Variants in MED14 observed in about 807,000 individuals in gnomAD.
MED14 encodes the protein mediator complex subunit 14, also known as mediator of RNA polymerase II transcription subunit 14.
In MED14, 8 loss-of-function variants were observed where a neutral mutation model predicts 109.0. The ratio of observed to expected loss-of-function variants is 0.07; its 90% CI spans 0.04 to 0.13. The LOEUF is 0.13. MED14 is among the 10% of genes least tolerant of loss of function. The pLI, the probability that MED14 is intolerant of heterozygous loss-of-function variation, is 1.00. For missense variants in MED14, 711 were observed against 1,142.4 expected (o/e 0.62, Z 5.44); for synonymous variants, 399 against 408.7 (o/e 0.98, Z 0.29).
intron 3 of MED14, among the ~76,000 whole-genome samples, chrX:40,722,752 C>T (rs2146732386): frequency 9.0e-6 from 1 of 111,599 alleles, no homozygotes; most frequent in East Asian, 2.8e-4. Context: ...TACAATGGTG[C>T]TCTCTAATAT....
intron 10 of MED14, among the ~76,000 whole-genome samples, chrX:40,705,661 C>T (rs1026545365): frequency 4.5e-5 from 5 of 111,700 alleles, no homozygotes; most frequent in Non-Finnish European, 7.5e-5. Context: ...ATATATATCT[C>T]CTTTTATTTC....
intron 26 of MED14, 119 bp from the exon 27 acceptor site, chrX:40,659,726 T>C (rs759117129): frequency 4.5e-5 from 28 of 627,587 alleles, no homozygotes; most frequent in Non-Finnish European, 6.3e-5. Flanking sequence ...CAAAGGCACC[T>C]ACAGCATTGA....
chrX:40,698,680 T>C (rs141336335), intron 12 of MED14, among the ~76,000 whole-genome samples: 7 of 112,003 alleles, frequency 6.2e-5, no homozygotes, highest in Non-Finnish European at 1.1e-4. Context: ...AACATCATTA[T>C]TTGTTGGGGA....
At chrX:40,654,259 G>T in intron 30 of MED14, 105 bp downstream of exon 30, 1 of 691,750 alleles carries the variant, frequency 1.4e-6, no homozygotes, top group Non-Finnish European at 2.2e-6. Context: ...CTATGATTGG[G>T]TGGTAGAGTA....
intron 23 of MED14, among the ~76,000 whole-genome samples, chrX:40,667,787 G>T (rs184800805): frequency 8.9e-6 from 1 of 112,282 alleles, no homozygotes; most frequent in Admixed American, 9.4e-5. Context: ...AGGACTAGTG[G>T]CTTGGTAAAG....
chrX:40,680,931 G>A (rs1003039368), intron 19 of MED14, 21 bp from the exon 20 acceptor site: 3 of 1,030,899 alleles, frequency 2.9e-6, no homozygotes, highest in African/African-American at 3.8e-5. Context: ...AAGATTACAT[G>A]TTTCAGAAAC....
In MED14 at chrX:40,648,472, T is replaced by C. The variant is rs1424422350; in HGVS notation, c.*3334A>G. 1.8e-5 allele frequency: 2 copies of C among 112,082 alleles called. No homozygotes were observed. The highest frequency in any genetic ancestry group is 6.5e-5 in the African/African-American group (2 of 30,849). The allele number at this position is 112,082 out of a possible 1,213,427, so 9.2% of individuals were successfully genotyped here. A position where few individuals can be genotyped will look rare whatever the true frequency, so the allele number is the denominator to read the frequency against. On this transcript the variant is annotated 3_prime_UTR_variant, in exon 31 of 31. Transcript: ENST00000324817. ...CACTAGCTCAGACTCAAACTGCCCC[T>C]TCTTAGCAGTTTGATCTTAAGCAAC...
intron 16 of MED14, 52 bp from the exon 17 acceptor site, chrX:40,683,048 T>C (rs758969500): frequency 2.0e-6 from 2 of 1,024,424 alleles, no homozygotes; most frequent in Admixed American, 2.6e-5. Context: ...CAAAGCACAA[T>C]GTACACAATG....
At position 40,650,506 on chromosome X, in the gene MED14, T is replaced by C; in HGVS notation, c.*1300A>G. On this transcript the variant is annotated 3_prime_UTR_variant, in exon 31 of 31. Transcript: ENST00000324817. Reference sequence around the variant, plus strand: ...GGTAACTCGGCATGGTATTATCACTTAAAAATTTTTCCTAAATACCATGAA... The same window carrying C: ...GGTAACTCGGCATGGTATTATCACTCAAAAATTTTTCCTAAATACCATGAA... 1.3e-6 allele frequency: 1 copy of C among 753,982 alleles called. No homozygotes were observed. 62.1% of individuals were successfully genotyped at this position (753,982 alleles called of 1,213,427 possible).
chrX:40,730,632 A>T (rs1009260212), intron 1 of MED14, among the ~76,000 whole-genome samples: 2 of 111,444 alleles, frequency 1.8e-5, no homozygotes, highest in Non-Finnish European at 3.8e-5. Context: ...GGGACAAAAG[A>T]CAGGCTTTGC....
chrX:40,711,147 C>T lies in MED14; in HGVS notation c.1022+22G>A, dbSNP rs1262955594. 3 of 1,203,140 alleles carry T rather than the reference C, an allele frequency of 2.5e-6. No homozygotes were observed. The East Asian group carries it at 8.9e-5, about 36-fold the overall frequency. On this transcript the variant is annotated intron_variant, in intron 8 of 30. Transcript: ENST00000324817. Reference sequence around the variant, plus strand: ...AGTATTTACAGTCATAGCACGAACCCACCAGAACTGATTTTACTTACTTCC... The same window carrying T: ...AGTATTTACAGTCATAGCACGAACCTACCAGAACTGATTTTACTTACTTCC...
Position 40,692,864 on chromosome X carries a change from T to C in MED14, c.1689A>G (p.Gln563=). Residue 563 remains glutamine (Q), a synonymous_variant, in exon 14 of 31, where the codon CAA becomes CAG. Transcript: ENST00000324817. ...EMLEVPNKPT[Q]LSYKYYFMSV... Reference sequence around the variant, plus strand: ...ACATAAAGTAGTACTTGTACGACAGTTGTGTGGGTTTATTGGGAACCTCCA... The same window carrying C: ...ACATAAAGTAGTACTTGTACGACAGCTGTGTGGGTTTATTGGGAACCTCCA... 2.5e-6 allele frequency: 3 copies of C among 1,188,239 alleles called. No homozygotes were observed. The highest frequency in any genetic ancestry group is 3.9e-5 in the South Asian group (2 of 51,870).
At position 40,712,311 on chromosome X, in the gene MED14, A is replaced by C; in HGVS notation, c.782-18T>G. On this transcript the variant is annotated intron_variant, in intron 6 of 30. Transcript: ENST00000324817. The stretch of plus-strand genomic sequence containing the variant: ...TCGCCCATCTTCCGTTGGCAGAAGA[A>C]AAGAAAGCAGTTAATTAAATAGGTG... 8.8e-7 allele frequency: 1 copy of C among 1,135,208 alleles called. No homozygotes were observed. The highest frequency in any genetic ancestry group is 1.9e-5 in the South Asian group (1 of 52,864). 93.6% of individuals were successfully genotyped at this position (1,135,208 alleles called of 1,213,427 possible). A position where few individuals can be genotyped will look rare whatever the true frequency, so the allele number is the denominator to read the frequency against.
In MED14 at chrX:40,692,285, C is replaced by T; in HGVS notation, c.1878G>A (p.Lys626=). 3 of 1,195,089 alleles carry T rather than the reference C, an allele frequency of 2.5e-6. No homozygotes were observed. Among genetic ancestry groups the T allele is most frequent in the Non-Finnish European group, 3.4e-6 (3 of 883,358 alleles). The part of the protein sequence containing the change: ...LSDDPCPVES[K]KTKRAGEMCA... Reference sequence around the variant, plus strand: ...ACATTTCTCCTGCTCGTTTTGTTTTCTTGGATTCTACTGGACATGGATCAT... The same window carrying T: ...ACATTTCTCCTGCTCGTTTTGTTTTTTTGGATTCTACTGGACATGGATCAT... The change falls in exon 15 of 31, where the codon AAG becomes AAA. Residue 626 remains lysine, a synonymous_variant. Transcript: ENST00000324817.
chrX:40,695,936 A>T (rs1026354201), intron 13 of MED14, among the ~76,000 whole-genome samples: 9 of 111,280 alleles, frequency 8.1e-5, no homozygotes, highest in Non-Finnish European at 1.3e-4. Flanking sequence ...TTGAATTAAA[A>T]TTTTTATTTT....
chrX:40,650,611 T>C lies in MED14; in HGVS notation c.*1195A>G. 6.6e-6 allele frequency: 5 copies of C among 754,166 alleles called. No individual in the cohort carries two copies. Among genetic ancestry groups the C allele is most frequent in the Non-Finnish European group, 6.3e-6 (4 of 639,258 alleles). The allele number at this position is 754,166 out of a possible 1,213,427, so 62.2% of individuals were successfully genotyped here. A position where few individuals can be genotyped will look rare whatever the true frequency, so the allele number is the denominator to read the frequency against. ...TGACTGACTAGGAAAGACAGCACAGTGCTCCAAAAAGAAACCCTGCAGAGA... is the reference window on the plus strand; with the variant it reads ...TGACTGACTAGGAAAGACAGCACAGCGCTCCAAAAAGAAACCCTGCAGAGA... On this transcript the variant is annotated 3_prime_UTR_variant, in exon 31 of 31. Transcript: ENST00000324817.
intron 10 of MED14, among the ~76,000 whole-genome samples, chrX:40,706,491 A>T (rs1052673186): frequency 1.8e-5 from 2 of 111,437 alleles, no homozygotes; most frequent in Admixed American, 1.9e-4. Flanking sequence ...TTCCTACTAG[A>T]GTTTAAGATC....
chrX:40,695,440 A>G lies in MED14; in HGVS notation c.1650+1584T>C, dbSNP rs143854526. 2.6e-3 allele frequency among the ~76,000 whole-genome samples: 291 copies of G among 112,428 alleles called. 6 individuals carry two copies. The highest frequency in any genetic ancestry group is 8.5e-3 in the African/African-American group (263 of 31,038). On this transcript the variant is annotated intron_variant, in intron 13 of 30. Coordinates refer to ENST00000324817, the MANE Select transcript of MED14 (RefSeq NM_004229.4). The stretch of plus-strand genomic sequence containing the variant: ...CCACTTCCATGAACATATTACCCCT[A>G]AGTGATAAATCTAGAGGACGAGGAA...
chrX:40,713,860 G>A lies in MED14; in HGVS notation c.570C>T (p.Ala190=). Residue 190 remains alanine (A), a synonymous_variant, in exon 5 of 31, where the codon GCC becomes GCT. Coordinates refer to ENST00000324817, the MANE Select transcript of MED14 (RefSeq NM_004229.4). ...GAATCTGATTCAGCTGATGGAGTGT[G>A]GCTTGTTTTTCAATTTTGGTAATTG... is the stretch of plus-strand genomic sequence containing the variant. ...PDPITKIEKQ[A]TLHQLNQILR... 8.3e-7 allele frequency: 1 copy of A among 1,210,130 alleles called. No individual in the cohort carries two copies. The highest frequency in any genetic ancestry group is 2.2e-5 in the Admixed American group (1 of 45,978).
Sources: allele counts gnomAD v4.1 joint callset (sites outside exome capture counted in the v4.1 genomes callset), GRCh38; gene constraint gnomAD v4.1.1; transcripts MANE v1.5; gene names NCBI Gene and HGNC (gene_info 2026-07-23, HGNC 2026-07-21).